SLC22A13: variants seen among roughly 807,000 people sequenced by gnomAD.
SLC22A13 encodes the protein solute carrier family 22 member 13.
A neutral mutation model predicts 49.1 loss-of-function variants in SLC22A13; 42 were observed. That is an observed-to-expected ratio of 0.85 (90% CI 0.67 to 1.11). The LOEUF (loss-of-function observed/expected upper bound fraction) is 1.11. Among genes scored for constraint, SLC22A13 ranks in the 50% least tolerant of loss-of-function variants. The pLI is 0.00. For missense variants in SLC22A13, 694 were observed against 712.8 expected (o/e 0.97, Z 0.30); for synonymous variants, 282 against 293.1 (o/e 0.96, Z 0.39).
chr3:38,268,215 A>C (rs1331333516), intron 1 of SLC22A13, among the ~76,000 whole-genome samples: 2 of 152,210 alleles, frequency 1.3e-5, no homozygotes, highest in Non-Finnish European at 2.9e-5. Flanking sequence ...GTCTTCATTC[A>C]TGACATCTGT....
chr3:38,269,548 G>A (rs963592207), intron 1 of SLC22A13, among the ~76,000 whole-genome samples: 9 of 152,062 alleles, frequency 5.9e-5, no homozygotes, highest in Admixed American at 2.0e-4. Context: ...GTGAGCCACC[G>A]CGCCTGGCCT....
chr3:38,275,583 C>T lies in SLC22A13; in HGVS notation c.933C>T (p.Val311=), dbSNP rs763671656. 6 of 1,613,986 alleles carry T rather than the reference C, an allele frequency of 3.7e-6. No homozygotes were observed. In the East Asian group the frequency reaches 1.3e-4, roughly 36 times the overall value. The stretch of plus-strand genomic sequence containing the variant: ...ACTCTGCTTCTTCCTCCCAGCTGGT[C>T]CCAGAGAAGACAGGCCCCTCAGGGA... The part of the protein sequence containing the change: ...KLSPELMNQL[V]PEKTGPSGNA... Residue 311 remains valine, a synonymous_variant, in exon 6 of 10, where the codon GTC becomes GTT. Coordinates refer to ENST00000311856, the MANE Select transcript of SLC22A13 (RefSeq NM_004256.4).
At chr3:38,274,833 G>A in intron 3 of SLC22A13, 75 bp downstream of exon 3, 1 of 1,554,464 alleles carries the variant, frequency 6.4e-7, no homozygotes, top group Non-Finnish European at 8.7e-7. Context: ...GCCCCAAACG[G>A]CCTGTGGAGG....
chr3:38,276,925 G>A lies in SLC22A13; in HGVS notation c.1360G>A (p.Gly454Arg). ...FPTILRQTGM[G>R]LVGIFSRIGG... ...GTCTTCCCCCAGGCAGACAGGCATGGGGCTGGTGGGCATCTTCTCACGGAT... is the reference window on the plus strand; with the variant it reads ...GTCTTCCCCCAGGCAGACAGGCATGAGGCTGGTGGGCATCTTCTCACGGAT... Residue 454 changes from glycine to arginine, a missense_variant, in exon 9 of 10, where the codon GGG becomes AGG. Transcript: ENST00000311856. 1 of 1,613,688 alleles carries A rather than the reference G, an allele frequency of 6.2e-7. No individual in the cohort carries two copies. Among genetic ancestry groups the A allele is most frequent in the South Asian group, 1.1e-5 (1 of 90,950 alleles).
At chr3:38,276,121 C>A in intron 7 of SLC22A13, 25 bp downstream of exon 7, 1 of 1,590,238 alleles carries the variant, frequency 6.3e-7, no homozygotes, top group Non-Finnish European at 8.6e-7. Flanking sequence ...TATCCCTCAC[C>A]CGCATGCCCC....
chr3:38,275,179 A>C, intron 4 of SLC22A13, 22 bp downstream of exon 4: 1 of 1,613,250 alleles, frequency 6.2e-7, no homozygotes, highest in Non-Finnish European at 8.5e-7. Flanking sequence ...ACATGCCAGG[A>C]GCAAGCCCCC....
At chr3:38,270,813 T>A (rs540856968) in intron 1 of SLC22A13, 2 of 152,942 alleles carry the variant, frequency 1.3e-5, no homozygotes, top group African/African-American at 4.8e-5. Context: ...GAACTTGATG[T>A]TGACCTCAGC....
rs1559537628 is a variant in SLC22A13, at chr3:38,274,767, C to A, written c.637+9C>A. 1 of 1,611,298 alleles carries A rather than the reference C, an allele frequency of 6.2e-7. No individual in the cohort carries two copies. Among genetic ancestry groups the A allele is most frequent in the Non-Finnish European group, 8.5e-7 (1 of 1,178,376 alleles). On this transcript the variant is annotated intron_variant, in intron 3 of 9. Coordinates refer to ENST00000311856, the MANE Select transcript of SLC22A13 (RefSeq NM_004256.4). ...CAGCAATGTCACCCTACGTGAGTGT[C>A]TGGGCCCTGGAGCCTTCAGCCATAG...
rs1033800155 is a variant in SLC22A13 at position 38,273,176 on chromosome 3, C to T, written c.379-1096C>T. ...GTGTTCAAGAGGCATGGCGGGACTC[C>T]CTAAGGGGCCCACAAACCCCATGGG... On this transcript the variant is annotated intron_variant, in intron 1 of 9. Coordinates refer to ENST00000311856, the MANE Select transcript of SLC22A13 (RefSeq NM_004256.4). 2.0e-5 allele frequency among the ~76,000 whole-genome samples: 3 copies of T among 152,126 alleles called. No homozygotes were observed. In the South Asian group the frequency reaches 6.2e-4, roughly 32 times the overall value.
intron 1 of SLC22A13, among the ~76,000 whole-genome samples, chr3:38,269,251 A>G (rs982844590): frequency 6.6e-6 from 1 of 152,012 alleles, no homozygotes; most frequent in Non-Finnish European, 1.5e-5. Flanking sequence ...TATTGCAGAG[A>G]ATGAACTTCA....
At chr3:38,271,542 CAAAAAAAAAAAA>C (rs397837435) in intron 1 of SLC22A13, among the ~76,000 whole-genome samples, 25 of 48,428 alleles carry the variant, frequency 5.2e-4, no homozygotes, top group East Asian at 1.5e-3. Context: ...GACGCTTTCT[CAAAAAAAAAAAA>C]AAAAAAAAAA....
intron 1 of SLC22A13, among the ~76,000 whole-genome samples, chr3:38,266,861 C>T (rs1049412189): frequency 2.6e-5 from 4 of 152,166 alleles, no homozygotes; most frequent in African/African-American, 7.2e-5. Flanking sequence ...AGTTCCCATC[C>T]TAGCCACCTC....
intron 3 of SLC22A13, 35 bp downstream of exon 3, chr3:38,274,793 G>T: frequency 6.3e-7 from 1 of 1,594,558 alleles, no homozygotes; most frequent in Non-Finnish European, 8.6e-7. Context: ...TCAGCCATAG[G>T]GTGAGGCCCA....
chr3:38,275,470 T>C lies in SLC22A13; in HGVS notation c.907T>C (p.Ser303Pro). The change falls in exon 5 of 10, where the codon TCC (serine) becomes CCC (proline). Residue 303 changes from serine (S) to proline (P), a missense_variant. Ser to Pro is a moderately conservative substitution (Grantham distance 74, BLOSUM62 -1). Transcript: ENST00000311856. ...GGCCTCGGTCAATAGGCGGAAACTC[T>C]CCCCGGAGCTCATGAACCAGGTACT... Reference protein sequence around the residue: ...KAASVNRRKLSPELMNQLVPE... With the variant: ...KAASVNRRKLPPELMNQLVPE... 1.2e-6 allele frequency: 2 copies of C among 1,614,090 alleles called. No homozygotes were observed. The highest frequency in any genetic ancestry group is 8.5e-7 in the Non-Finnish European group (1 of 1,180,006).
chr3:38,273,406 T>C (rs1703542812), intron 1 of SLC22A13, among the ~76,000 whole-genome samples: 1 of 152,174 alleles, frequency 6.6e-6, no homozygotes, highest in South Asian at 2.1e-4. Context: ...CCTCTGTGTG[T>C]GCGTGTGTAC....
At position 38,265,935 on chromosome 3, in the gene SLC22A13, G is replaced by C. The variant is rs776258948; in HGVS notation, c.75G>C (p.Leu25=). 1.2e-6 allele frequency: 2 copies of C among 1,614,170 alleles called. No individual in the cohort carries two copies. The highest frequency in any genetic ancestry group is 1.7e-5 in the Admixed American group (1 of 60,030). Residue 25 remains leucine (L), a synonymous_variant, in exon 1 of 10, where the codon CTG becomes CTC. Coordinates refer to ENST00000311856, the MANE Select transcript of SLC22A13 (RefSeq NM_004256.4). The part of the protein sequence containing the change: ...GRFQIQLLIL[L]CVLNFLSPFY... ...TCCAGATACAGCTATTGATCCTGCTGTGTGTTCTCAACTTCCTGTCTCCCT... is the reference window on the plus strand; with the variant it reads ...TCCAGATACAGCTATTGATCCTGCTCTGTGTTCTCAACTTCCTGTCTCCCT...
At position 38,276,102 on chromosome 3, in the gene SLC22A13, A is replaced by T. The variant is rs1240905283; in HGVS notation, c.1237+6A>T. 6.2e-7 allele frequency: 1 copy of T among 1,610,578 alleles called. No homozygotes were observed. Reference sequence around the variant, plus strand: ...CATCATCTTCATCCCAGCAGGTATCAGGGCTGGCTATCCCTCACCCGCATG... The same window carrying T: ...CATCATCTTCATCCCAGCAGGTATCTGGGCTGGCTATCCCTCACCCGCATG... On this transcript the variant is annotated splice_donor_region_variant and intron_variant, in intron 7 of 9. Coordinates refer to ENST00000311856, the MANE Select transcript of SLC22A13 (RefSeq NM_004256.4).
At chr3:38,273,252 G>C (rs1456527597) in intron 1 of SLC22A13, among the ~76,000 whole-genome samples, 1 of 152,178 alleles carries the variant, frequency 6.6e-6, no homozygotes, top group Non-Finnish European at 1.5e-5. Context: ...CGTGTGTACA[G>C]AGTGGTATGG....
At chr3:38,276,182 A>G in intron 7 of SLC22A13, 86 bp downstream of exon 7, 1 of 1,497,694 alleles carries the variant, frequency 6.7e-7, no homozygotes, top group Non-Finnish European at 9.2e-7. Context: ...TTCTGCTTCC[A>G]GGAGTAAAGG....
Sources: gnomAD v4.1 joint callset for allele counts (sites outside exome capture counted in the v4.1 genomes callset) on GRCh38, gnomAD v4.1.1 for gene constraint, MANE v1.5 for transcripts, NCBI Gene and HGNC (gene_info 2026-07-23, HGNC 2026-07-21) for gene names.